RNF220: variants seen among roughly 807,000 people sequenced by gnomAD.
The protein encoded by RNF220 is ring finger protein 220.
RNF220 carries 7 observed loss-of-function variants against 67.1 expected under a neutral mutation model. That is an observed-to-expected ratio of 0.10 (90% CI 0.06 to 0.20). RNF220 has a LOEUF of 0.20. Ranked by LOEUF, RNF220 falls within the 10% of genes least tolerant of loss-of-function variation. RNF220 has a pLI of 1.00. For synonymous variants in RNF220, 270 were observed against 283.2 expected (o/e 0.95, Z 0.47); for missense variants, 565 against 740.3 (o/e 0.76, Z 2.75).
intron 6 of RNF220, 128 bp downstream of exon 6, chr1:44,632,513 G>T: frequency 1.1e-6 from 1 of 921,328 alleles, no homozygotes. Context: ...CGCAGTCACG[G>T]CGCCTGAGTA....
chr1:44,473,580 A>T (rs1655014311), intron 2 of RNF220, among the ~76,000 whole-genome samples: 1 of 152,066 alleles, frequency 6.6e-6, no homozygotes, highest in South Asian at 2.1e-4. Flanking sequence ...ACTAGGCTTC[A>T]TTTCTTGGGG....
intron 2 of RNF220, among the ~76,000 whole-genome samples, chr1:44,450,210 CA>C (rs879870662): frequency 4.5e-4 from 64 of 143,384 alleles, no homozygotes; most frequent in Admixed American, 6.9e-4. Flanking sequence ...AACTCCGTGT[CA>C]AAAAAAAAAA....
intron 2 of RNF220, among the ~76,000 whole-genome samples, chr1:44,421,697 C>T (rs1281312429): frequency 6.6e-6 from 1 of 152,024 alleles, no homozygotes; most frequent in Non-Finnish European, 1.5e-5. Flanking sequence ...GAGGGCTGTC[C>T]ATTACCCTGA....
At chr1:44,442,935 C>T (rs1572516668) in intron 2 of RNF220, among the ~76,000 whole-genome samples, 1 of 152,210 alleles carries the variant, frequency 6.6e-6, no homozygotes, top group African/African-American at 2.4e-5. Context: ...GGAACCCTCC[C>T]TGTTTGCTTT....
At chr1:44,460,298 G>T (rs544945599) in intron 2 of RNF220, among the ~76,000 whole-genome samples, 13 of 152,100 alleles carry the variant, frequency 8.5e-5, no homozygotes, top group Non-Finnish European at 1.8e-4. Context: ...AGGTACCAGC[G>T]CCTGGAAGCC....
chr1:44,585,418 G>C (rs769979544), intron 2 of RNF220, among the ~76,000 whole-genome samples: 1 of 152,078 alleles, frequency 6.6e-6, no homozygotes, highest in Non-Finnish European at 1.5e-5. Context: ...CCAACTTCTG[G>C]AACAGTGTCA....
intron 5 of RNF220, among the ~76,000 whole-genome samples, chr1:44,630,677 T>C (rs752248284): frequency 6.6e-6 from 1 of 152,250 alleles, no homozygotes; most frequent in Non-Finnish European, 1.5e-5. Context: ...AAACTAAGTC[T>C]TGCCAGAGTC....
At chr1:44,638,591 C>A (rs1339294200) in intron 8 of RNF220, among the ~76,000 whole-genome samples, 2 of 152,230 alleles carry the variant, frequency 1.3e-5, no homozygotes, top group Non-Finnish European at 1.5e-5. Flanking sequence ...TCCCACCAGG[C>A]CCCTGGAGGT....
At chr1:44,550,207 GC>G (rs756131567) in intron 2 of RNF220, among the ~76,000 whole-genome samples, 4 of 152,368 alleles carry the variant, frequency 2.6e-5, no homozygotes, top group Non-Finnish European at 4.4e-5. Flanking sequence ...CCTTGGCAAA[GC>G]CAAGAGGGCC....
upstream of RNF220, among the ~76,000 whole-genome samples, chr1:44,404,987 G>C (rs1017105989): frequency 3.3e-5 from 5 of 152,116 alleles, no homozygotes; most frequent in African/African-American, 7.2e-5. Context: ...CTTTGCGGGT[G>C]GGGGAGGAGG....
chr1:44,528,483 G>A (rs980837896), intron 2 of RNF220, among the ~76,000 whole-genome samples: 1 of 151,864 alleles, frequency 6.6e-6, no homozygotes, highest in Non-Finnish European at 1.5e-5. Context: ...TGTATTTTTA[G>A]TAGAGATGGG....
At chr1:44,507,139 G>A (rs1572711446) in intron 2 of RNF220, among the ~76,000 whole-genome samples, 2 of 152,258 alleles carry the variant, frequency 1.3e-5, no homozygotes, top group South Asian at 2.1e-4. Context: ...GCAGACCACA[G>A]GCTGTAACCC....
chr1:44,563,892 A>T lies in RNF220; in HGVS notation c.626-50273A>T, dbSNP rs571054426. Among the ~76,000 whole-genome samples, 318 of 152,242 alleles carry T rather than the reference A, an allele frequency of 2.1e-3. 2 individuals carry two copies. The highest frequency in any genetic ancestry group is 7.4e-3 in the African/African-American group (308 of 41,526). ...GCATGAGCCCCTTAGGGTTTCCCAG[A>T]GCTGACATCTCTTACATCTCTATCT... is the stretch of plus-strand genomic sequence containing the variant. On this transcript the variant is annotated intron_variant, in intron 2 of 14. Coordinates refer to ENST00000361799, the MANE Select transcript of RNF220 (RefSeq NM_018150.4).
At chr1:44,595,769 T>A (rs1009309144) in intron 2 of RNF220, among the ~76,000 whole-genome samples, 2 of 152,046 alleles carry the variant, frequency 1.3e-5, no homozygotes, top group African/African-American at 2.4e-5. Context: ...TTTTTATTTA[T>A]TTTTTATTTT....
intron 2 of RNF220, among the ~76,000 whole-genome samples, chr1:44,451,283 C>T (rs1652658323): frequency 6.6e-6 from 1 of 152,062 alleles, no homozygotes; most frequent in Non-Finnish European, 1.5e-5. Flanking sequence ...TTACACATCT[C>T]ACCAACACTG....
intron 2 of RNF220, among the ~76,000 whole-genome samples, chr1:44,554,399 G>C (rs1662906705): frequency 6.6e-6 from 1 of 151,974 alleles, no homozygotes. Flanking sequence ...CTCCTTTGCT[G>C]TCTTACTCCC....
At chr1:44,424,759 A>T (rs1009310924) in intron 2 of RNF220, among the ~76,000 whole-genome samples, 1 of 152,046 alleles carries the variant, frequency 6.6e-6, no homozygotes, top group Non-Finnish European at 1.5e-5. Context: ...AAGTGACTGT[A>T]TGTGCCCAGA....
At chr1:44,635,884 TA>T in intron 7 of RNF220, 145 bp from the exon 8 acceptor site, 1 of 1,420,154 alleles carries the variant, frequency 7.0e-7, no homozygotes, top group Non-Finnish European at 9.6e-7. Flanking sequence ...CTTTGACCTC[TA>T]AATTGGTTTG....
intron 2 of RNF220, among the ~76,000 whole-genome samples, chr1:44,469,915 G>A (rs1416479996): frequency 6.6e-6 from 1 of 152,178 alleles, no homozygotes; most frequent in African/African-American, 2.4e-5. Context: ...CTGCAGAGGA[G>A]TCTGACATTA....
Sources: gnomAD v4.1 joint callset for allele counts (sites outside exome capture counted in the v4.1 genomes callset) on GRCh38, gnomAD v4.1.1 for gene constraint, MANE v1.5 for transcripts, NCBI Gene and HGNC (gene_info 2026-07-23, HGNC 2026-07-21) for gene names.